POM121C: variants seen among roughly 807,000 people sequenced by gnomAD.
POM121C encodes nuclear envelope pore membrane protein POM 121C.
In POM121C, 20 loss-of-function variants were observed where a neutral mutation model predicts 66.4. That is an observed-to-expected ratio of 0.30 (90% CI 0.21 to 0.44). POM121C has a LOEUF of 0.44. Ranked by LOEUF, POM121C falls within the 20% of genes least tolerant of loss-of-function variation. The pLI is 1.00. For missense variants in POM121C, 580 were observed against 1,225.7 expected, an observed-to-expected ratio of 0.47 and a Z score of 7.87; for synonymous variants, 286 against 528.0, an observed-to-expected ratio of 0.54 and a Z score of 6.28.
rs1554471360 is a variant in POM121C, at chr7:75,424,201, T to C, written c.896A>G (p.Glu299Gly). ...TGAAGGCTGAGTGGTAGGTGGGGTC[T>C]CAGTGACAGAGTTCGAGGCAGCATC... The part of the protein sequence containing the change: ...KSDAASNSVT[E>G]TPPTTQPSFT... Residue 299 changes from glutamate to glycine, a missense_variant, in exon 12 of 15, where the codon GAG (glutamate) becomes GGG (glycine). Glu to Gly is a moderately conservative substitution (Grantham distance 98). Coordinates refer to ENST00000615331, the MANE Select transcript of POM121C (RefSeq NM_001099415.3). 2 of 1,611,954 alleles carry C rather than the reference T, an allele frequency of 1.2e-6. No individual in the cohort carries two copies. Among genetic ancestry groups the C allele is most frequent in the East Asian group, 4.5e-5 (2 of 44,876 alleles).
chr7:75,434,279 A>ATT (rs78983395), intron 7 of POM121C, among the ~76,000 whole-genome samples: 36 of 144,688 alleles, frequency 2.5e-4, no homozygotes, highest in Admixed American at 4.2e-4. Flanking sequence ...ATTAAATACT[A>ATT]TTTTTTTTTT....
chr7:75,430,246 C>A (rs1563140510), intron 7 of POM121C, among the ~76,000 whole-genome samples: 1 of 152,122 alleles, frequency 6.6e-6, no homozygotes, highest in Non-Finnish European at 1.5e-5. Flanking sequence ...AGGGGGACGA[C>A]TGACTCTATC....
At chr7:75,419,637 C>T (rs1265731204) in intron 13 of POM121C, 195 bp from the exon 14 acceptor site, 7 of 643,288 alleles carry the variant, frequency 1.1e-5, no homozygotes, top group Non-Finnish European at 1.8e-5. Context: ...CAGCCTGCTT[C>T]TCCCACCCGC....
chr7:75,430,921 A>G (rs1280921179), intron 7 of POM121C, among the ~76,000 whole-genome samples: 7 of 151,780 alleles, frequency 4.6e-5, no homozygotes, highest in Non-Finnish European at 1.0e-4. Context: ...CTAAAAATAC[A>G]AAAAATTAGC....
At chr7:75,457,284 G>A (rs1272791572) in intron 3 of POM121C, among the ~76,000 whole-genome samples, 2 of 149,278 alleles carry the variant, frequency 1.3e-5, no homozygotes, top group East Asian at 3.9e-4. Context: ...CCAGTGGTGA[G>A]TTCCCAGGGT....
intron 3 of POM121C, among the ~76,000 whole-genome samples, chr7:75,451,170 A>C (rs1791008069): frequency 1.3e-5 from 2 of 152,210 alleles, no homozygotes; most frequent in South Asian, 4.1e-4. Flanking sequence ...AATTAGAAAA[A>C]ACTACCTTAA....
chr7:75,484,662 CAAAAAA>C (rs10690558), intron 1 of POM121C, among the ~76,000 whole-genome samples: 3 of 48,664 alleles, frequency 6.2e-5, no homozygotes, highest in African/African-American at 8.6e-5. Context: ...GACACTGTCT[CAAAAAA>C]AAAAAAAAAA....
intron 3 of POM121C, chr7:75,442,226 G>T: frequency 5.0e-6 from 7 of 1,389,282 alleles, no homozygotes; most frequent in Non-Finnish European, 6.4e-6. Flanking sequence ...GGTCGGCTGG[G>T]AGGGCGGTGT....
chr7:75,424,926 C>T (rs1789877934), intron 10 of POM121C, 148 bp downstream of exon 10: 1 of 1,469,208 alleles, frequency 6.8e-7, no homozygotes, highest in Non-Finnish European at 9.0e-7. Context: ...AGCCACTGAA[C>T]TCCAGCCTGG....
chr7:75,484,271 G>T (rs1467469656), intron 1 of POM121C: 144 of 1,564,294 alleles, frequency 9.2e-5, no homozygotes, highest in Admixed American at 2.9e-4. Flanking sequence ...AGGGGCAGAA[G>T]CAGGTCACTG....
chr7:75,458,404 C>T (rs1791322762), intron 3 of POM121C, among the ~76,000 whole-genome samples: 1 of 152,140 alleles, frequency 6.6e-6, no homozygotes, highest in Non-Finnish European at 1.5e-5. Flanking sequence ...TAGTGTGTAC[C>T]TCTGGTCCCA....
intron 1 of POM121C, among the ~76,000 whole-genome samples, chr7:75,482,719 C>G (rs1792357528): frequency 6.6e-6 from 1 of 151,876 alleles, no homozygotes; most frequent in Non-Finnish European, 1.5e-5. Context: ...CAAAACAAAA[C>G]AGACTTCACC....
Position 75,460,132 on chromosome 7 carries a change from G to A in POM121C, c.-152+14572C>T, listed in dbSNP as rs1412874781. 7.6e-5 allele frequency among the ~76,000 whole-genome samples: 11 copies of A among 144,098 alleles called. No homozygotes were observed. In the East Asian group the frequency reaches 8.2e-4, roughly 11 times the overall value. 94.5% of individuals were successfully genotyped at this position (144,098 alleles called of 152,430 possible). A position where few individuals can be genotyped will look rare whatever the true frequency, so the allele number is the denominator to read the frequency against. On this transcript the variant is annotated intron_variant, in intron 3 of 14. Coordinates refer to ENST00000615331, the MANE Select transcript of POM121C (RefSeq NM_001099415.3). ...AGTAGAAAATAGATAATAAAAACCC[G>A]TCCAAAATTAAATATAAATCTTCTA...
At chr7:75,474,034 A>G (rs1162094140) in intron 3 of POM121C, among the ~76,000 whole-genome samples, 2 of 152,172 alleles carry the variant, frequency 1.3e-5, no homozygotes, top group African/African-American at 2.4e-5. Flanking sequence ...AATGGAAGAT[A>G]AAAAGAATGA....
chr7:75,477,110 T>TACACACACACACACACACACAC (rs57918412), intron 1 of POM121C, among the ~76,000 whole-genome samples: 18 of 140,590 alleles, frequency 1.3e-4, no homozygotes, highest in African/African-American at 2.3e-4. Context: ...TTTGCGTGTA[T>TACACACACACACACACACACAC]ACACACACAC....
At position 75,417,732 on chromosome 7, in the gene POM121C, C is replaced by T. The variant is rs1172203709; in HGVS notation, c.*1064G>A. The T allele has an allele frequency of 2.0e-6, 2 of 985,194 alleles. No individual in the cohort carries two copies. Among genetic ancestry groups the T allele is most frequent in the Non-Finnish European group, 2.4e-6 (2 of 829,724 alleles). 61.0% of individuals were successfully genotyped at this position (985,194 alleles called of 1,614,324 possible). A position where few individuals can be genotyped will look rare whatever the true frequency, so the allele number is the denominator to read the frequency against. On this transcript the variant is annotated 3_prime_UTR_variant, in exon 15 of 15. Transcript: ENST00000615331. The stretch of plus-strand genomic sequence containing the variant: ...CTTTGCTTCCCCTGGGCCCATTCTC[C>T]CTGGCTGCCAGCCCTTGAAGTCAGA...
At chr7:75,485,574 G>A (rs1792498554) in intron 1 of POM121C, among the ~76,000 whole-genome samples, 1 of 152,164 alleles carries the variant, frequency 6.6e-6, no homozygotes, top group Non-Finnish European at 1.5e-5. Flanking sequence ...AGAGGCGGTC[G>A]AAATCTGGAG....
intron 7 of POM121C, among the ~76,000 whole-genome samples, chr7:75,432,854 C>G (rs1341327432): frequency 6.6e-6 from 1 of 152,036 alleles, no homozygotes; most frequent in Non-Finnish European, 1.5e-5. Flanking sequence ...AGACTCGGAT[C>G]GCTGGGACAG....
At chr7:75,477,631 G>C (rs1434517909) in intron 1 of POM121C, among the ~76,000 whole-genome samples, 8 of 152,110 alleles carry the variant, frequency 5.3e-5, no homozygotes, top group Non-Finnish European at 1.0e-4. Flanking sequence ...TTTGGACATG[G>C]ATAAAACTGG....
Sources: allele counts gnomAD v4.1 joint callset (sites outside exome capture counted in the v4.1 genomes callset), GRCh38; gene constraint gnomAD v4.1.1; transcripts MANE v1.5; gene names NCBI Gene and HGNC (gene_info 2026-07-23, HGNC 2026-07-21).